SRGAP3: variants seen among roughly 807,000 people sequenced by gnomAD.
SRGAP3 encodes SLIT-ROBO Rho GTPase activating protein 3.
In SRGAP3, 39 loss-of-function variants were observed where a neutral mutation model predicts 121.1. That is an observed-to-expected ratio of 0.32 (90% CI 0.25 to 0.42). The LOEUF is 0.42. Among genes scored for constraint, SRGAP3 ranks in the 10% least tolerant of loss-of-function variants. The pLI, the probability that SRGAP3 is intolerant of heterozygous loss-of-function variation, is 1.00. For missense variants in SRGAP3, 1,213 were observed against 1,470.6 expected (o/e 0.82, Z 2.86); for synonymous variants, 601 against 570.0 (o/e 1.05, Z -0.77).
intron 3 of SRGAP3, among the ~76,000 whole-genome samples, chr3:9,093,239 C>T (rs898030585): frequency 3.9e-5 from 6 of 152,168 alleles, no homozygotes; most frequent in African/African-American, 1.4e-4. Context: ...TCACTTTAAC[C>T]TCTTTGTCAT....
At chr3:9,204,448 G>A (rs536900240) in intron 1 of SRGAP3, among the ~76,000 whole-genome samples, 1 of 152,178 alleles carries the variant, frequency 6.6e-6, no homozygotes, top group Non-Finnish European at 1.5e-5. Context: ...CACGGCCTTG[G>A]GCTCTGAACT....
intron 1 of SRGAP3, among the ~76,000 whole-genome samples, chr3:9,230,570 A>G (rs923898582): frequency 2.0e-5 from 3 of 152,124 alleles, no homozygotes; most frequent in African/African-American, 7.2e-5. Context: ...TGGGAGAGGG[A>G]AAAAGAAAGC....
At chr3:9,043,797 T>C (rs568751486) in intron 10 of SRGAP3, among the ~76,000 whole-genome samples, 103 of 152,312 alleles carry the variant, frequency 6.8e-4, no homozygotes, top group African/African-American at 2.4e-3. Context: ...AAAGTTGGCA[T>C]GAAAAGGTCA....
chr3:9,182,172 T>C (rs1391120690), intron 1 of SRGAP3, among the ~76,000 whole-genome samples: 9 of 54,444 alleles, frequency 1.7e-4, no homozygotes, highest in Non-Finnish European at 2.3e-4. Flanking sequence ...CAAGACTCTG[T>C]CTCAAAAAAA....
chr3:9,189,613 G>A (rs1951694225), intron 1 of SRGAP3, among the ~76,000 whole-genome samples: 1 of 152,224 alleles, frequency 6.6e-6, no homozygotes, highest in Admixed American at 6.5e-5. Flanking sequence ...ACAGATTTCA[G>A]CTCAAGTGCC....
chr3:9,284,212 C>T (rs1375747145), intron 3 of SRGAP3, among the ~76,000 whole-genome samples: 1 of 152,062 alleles, frequency 6.6e-6, no homozygotes, highest in Non-Finnish European at 1.5e-5. Flanking sequence ...CATCCTACTT[C>T]GGTATGCCAC....
At position 8,983,703 on chromosome 3, in the gene SRGAP3, CA is replaced by C. The variant is rs1328206570; in HGVS notation, c.*1815del. On this transcript the variant is annotated 3_prime_UTR_variant, in exon 22 of 22. Coordinates refer to ENST00000383836, the MANE Select transcript of SRGAP3 (RefSeq NM_014850.4). Reference sequence around the variant, plus strand: ...AGACTTACCTTACTAATGATAATCACAAACGCATTGTATTGATTCAGTGTTT... The same window carrying C: ...AGACTTACCTTACTAATGATAATCACAACGCATTGTATTGATTCAGTGTTT... 8.7e-6 allele frequency: 2 copies of C among 230,980 alleles called. No individual in the cohort carries two copies. Among genetic ancestry groups the C allele is most frequent in the Non-Finnish European group, 8.6e-6 (1 of 116,760 alleles). 14.3% of individuals were successfully genotyped at this position (230,980 alleles called of 1,614,324 possible).
intron 1 of SRGAP3, among the ~76,000 whole-genome samples, chr3:9,195,077 G>T (rs556598872): frequency 1.3e-5 from 2 of 152,216 alleles, no homozygotes; most frequent in Non-Finnish European, 2.9e-5. Flanking sequence ...CACCATGGCC[G>T]ACTCCAAGCT....
At position 9,218,887 on chromosome 3, in the gene SRGAP3, G is replaced by A. The variant is rs1183013436; in HGVS notation, c.67+29998C>T. Among the ~76,000 whole-genome samples, 1 of 152,122 alleles carries A rather than the reference G, an allele frequency of 6.6e-6. No individual in the cohort carries two copies. Among genetic ancestry groups the A allele is most frequent in the Non-Finnish European group, 1.5e-5 (1 of 68,032 alleles). Reference sequence around the variant, plus strand: ...GGGGTTTCACCATGTTGGCCAGGCTGGTCTCAAACTCCTGACCTCAGGTGA... The same window carrying A: ...GGGGTTTCACCATGTTGGCCAGGCTAGTCTCAAACTCCTGACCTCAGGTGA... On this transcript the variant is annotated intron_variant, in intron 1 of 21. Transcript: ENST00000383836. The surrounding 1 kb of genome is among the most constrained non-coding windows in gnomAD (Gnocchi z 5.3).
At chr3:9,125,277 T>C (rs1949180849) in intron 1 of SRGAP3, among the ~76,000 whole-genome samples, 1 of 152,222 alleles carries the variant, frequency 6.6e-6, no homozygotes, top group Non-Finnish European at 1.5e-5. Context: ...CAAAGGTTTC[T>C]ATCAATACAG....
Position 9,120,311 on chromosome 3 carries a change from T to A in SRGAP3, c.260+4414A>T, listed in dbSNP as rs538240529. On this transcript the variant is annotated intron_variant, in intron 2 of 21. Transcript: ENST00000383836. ...CTTTTCAATAGAAGTGACATCTCAG[T>A]GCTGCAGGCTGATGGCACGCAGGTG... Among the ~76,000 whole-genome samples, 5 of 152,298 alleles carry A rather than the reference T, an allele frequency of 3.3e-5. No individual in the cohort carries two copies. The East Asian group carries it at 9.6e-4, about 29-fold the overall frequency.
chr3:9,044,272 A>C (rs1210453282), intron 10 of SRGAP3, among the ~76,000 whole-genome samples: 1 of 152,214 alleles, frequency 6.6e-6, no homozygotes, highest in East Asian at 1.9e-4. Context: ...GGATGCCTGA[A>C]ACTGTGGATA....
At chr3:8,988,831 G>A (rs1252361605) in intron 21 of SRGAP3, among the ~76,000 whole-genome samples, 4 of 152,098 alleles carry the variant, frequency 2.6e-5, no homozygotes, top group South Asian at 2.1e-4. Flanking sequence ...CCTCACATGC[G>A]CAGTTCACAA....
intron 1 of SRGAP3, among the ~76,000 whole-genome samples, chr3:9,198,447 G>A (rs930308023): frequency 6.6e-6 from 1 of 152,194 alleles, no homozygotes; most frequent in Non-Finnish European, 1.5e-5. Flanking sequence ...ACAAGGTTCT[G>A]GGAAGAAACC....
intron 10 of SRGAP3, among the ~76,000 whole-genome samples, chr3:9,047,122 G>A (rs1298206449): frequency 2.0e-5 from 3 of 152,062 alleles, no homozygotes; most frequent in Non-Finnish European, 2.9e-5. Flanking sequence ...GTGAGCCACC[G>A]TGCCCAGCCT....
rs745815373 is a variant in SRGAP3, at chr3:8,985,555, G to T, written c.3264C>A (p.Phe1088Leu). Residue 1088 changes from phenylalanine (F) to leucine (L), a missense_variant, in exon 22 of 22, where the codon TTC becomes TTA. Transcript: ENST00000383836. This position sits in a 1 kb window ranked among gnomAD's most constrained non-coding sequence, Gnocchi z 5.1. ...CCGACTTGTCCGCTGAGCTGTTGGG[G>T]AACATCTTCTCGGTGGGCGTCACGG... ...SPAVTPTEKMFPNSSADKSGT... is the reference protein window; with the variant it reads ...SPAVTPTEKMLPNSSADKSGT... 3 of 1,598,966 alleles carry T rather than the reference G, an allele frequency of 1.9e-6. No individual in the cohort carries two copies. Among genetic ancestry groups the T allele is most frequent in the Non-Finnish European group, 2.5e-6 (3 of 1,179,456 alleles).
intron 1 of SRGAP3, among the ~76,000 whole-genome samples, chr3:9,228,035 T>C (rs1953054285): frequency 6.6e-6 from 1 of 152,142 alleles, no homozygotes; most frequent in South Asian, 2.1e-4. Flanking sequence ...TACAACCCAA[T>C]CTGATGATCA....
chr3:9,282,447 T>G (rs1954696083), intron 3 of SRGAP3, among the ~76,000 whole-genome samples: 1 of 152,232 alleles, frequency 6.6e-6, no homozygotes, highest in Non-Finnish European at 1.5e-5. Context: ...TATTCTCATT[T>G]CTGCTTCTCC....
intron 3 of SRGAP3, among the ~76,000 whole-genome samples, chr3:9,091,961 G>C (rs932492238): frequency 2.6e-5 from 4 of 152,092 alleles, no homozygotes; most frequent in African/African-American, 7.2e-5. Context: ...CGAGTCCTTA[G>C]GTCTTCCTAC....
Sources: allele counts gnomAD v4.1 joint callset (sites outside exome capture counted in the v4.1 genomes callset), GRCh38; gene constraint gnomAD v4.1.1; non-coding constraint Gnocchi (gnomAD v3.1); transcripts MANE v1.5; gene names NCBI Gene and HGNC (gene_info 2026-07-23, HGNC 2026-07-21).